Variants in SNRPN observed in about 807,000 individuals in gnomAD.
SNRPN encodes the protein small nuclear ribonucleoprotein polypeptide N.
A neutral mutation model predicts 25.2 loss-of-function variants in SNRPN; 7 were observed. The observed-to-expected ratio is 0.28, with a 90% CI of 0.16 to 0.52. The LOEUF is 0.52. Ranked by LOEUF, SNRPN falls within the 20% of genes least tolerant of loss-of-function variation. The pLI, the probability that SNRPN is intolerant of heterozygous loss-of-function variation, is 0.96. For missense variants in SNRPN, 196 were observed against 322.5 expected (o/e 0.61, Z 3.00); for synonymous variants, 124 against 110.6 (o/e 1.12, Z -0.76).
chr15:24,948,088 G>A (rs962488576), intron 3 of SNRPN, among the ~76,000 whole-genome samples: 2 of 151,048 alleles, frequency 1.3e-5, no homozygotes, highest in Non-Finnish European at 2.9e-5. Flanking sequence ...ACTCAAAATA[G>A]CAATCTTCCT....
At chr15:24,922,437 C>T (rs2060086699) in intron 3 of SNRPN, among the ~76,000 whole-genome samples, 1 of 152,140 alleles carries the variant, frequency 6.6e-6, no homozygotes, top group African/African-American at 2.4e-5. Flanking sequence ...AAATTGCATA[C>T]AATACAGTAC....
At chr15:24,955,178 A>G (rs1399940145) in intron 1 of SNRPN, 116 bp downstream of exon 1, 4 of 1,403,378 alleles carry the variant, frequency 2.9e-6, no homozygotes, top group East Asian at 2.4e-5. Context: ...TTTGGGCCCT[A>G]AAGTCCTTTG....
chr15:24,844,318 C>T (rs1401750700), intron 2 of SNRPN, among the ~76,000 whole-genome samples: 1 of 152,090 alleles, frequency 6.6e-6, no homozygotes, highest in Non-Finnish European at 1.5e-5. Context: ...TCCATATCTA[C>T]TATTTGACTG....
At chr15:24,883,772 G>A (rs754286561) in intron 1 of SNRPN, among the ~76,000 whole-genome samples, 5 of 152,126 alleles carry the variant, frequency 3.3e-5, no homozygotes, top group Non-Finnish European at 7.4e-5. Context: ...AGCATTTTGG[G>A]AGGCTGAAGC....
chr15:24,837,560 G>A (rs980981990), intron 2 of SNRPN, among the ~76,000 whole-genome samples: 24 of 151,600 alleles, frequency 1.6e-4, no homozygotes, highest in East Asian at 1.6e-3. Flanking sequence ...TGGTAGAGAC[G>A]GGGTTTCACC....
intron 2 of SNRPN, chr15:24,908,890 T>C: frequency 1.3e-6 from 1 of 797,680 alleles, no homozygotes; most frequent in Non-Finnish European, 2.1e-6. Context: ...ATAAGTTTAT[T>C]GTCTGTATCT....
upstream of SNRPN, among the ~76,000 whole-genome samples, chr15:24,953,263 C>G (rs1019311931): frequency 6.6e-6 from 1 of 152,184 alleles, no homozygotes; most frequent in African/African-American, 2.4e-5. Flanking sequence ...CATCACTGGA[C>G]TATAATGGTG....
intron 1 of SNRPN, among the ~76,000 whole-genome samples, chr15:24,859,791 G>A (rs2053819739): frequency 6.6e-6 from 1 of 152,180 alleles, no homozygotes; most frequent in Non-Finnish European, 1.5e-5. Flanking sequence ...GCTAAACCAA[G>A]GGTGGATTAT....
At chr15:24,876,460 T>C (rs2055888089) in intron 1 of SNRPN, among the ~76,000 whole-genome samples, 1 of 151,908 alleles carries the variant, frequency 6.6e-6, no homozygotes, top group Non-Finnish European at 1.5e-5. Context: ...CTGCTAAAAA[T>C]ACAAAAATTA....
chr15:24,901,042 G>C (rs370061981), intron 2 of SNRPN, among the ~76,000 whole-genome samples: 1 of 152,152 alleles, frequency 6.6e-6, no homozygotes, highest in Non-Finnish European at 1.5e-5. Context: ...GGTGCAGTGA[G>C]CTGTGATCAT....
At chr15:24,844,327 T>C (rs997095206) in intron 2 of SNRPN, among the ~76,000 whole-genome samples, 1 of 152,196 alleles carries the variant, frequency 6.6e-6, no homozygotes, top group African/African-American at 2.4e-5. Context: ...ACTATTTGAC[T>C]GTCACTCTTC....
chr15:24,914,186 GCTT>G (rs1412750783), intron 2 of SNRPN, among the ~76,000 whole-genome samples: 3 of 152,200 alleles, frequency 2.0e-5, no homozygotes, highest in Non-Finnish European at 4.4e-5. Context: ...CCCTGCATCT[GCTT>G]CTTCTTAATT....
At chr15:24,883,144 T>C (rs2056889051) in intron 1 of SNRPN, among the ~76,000 whole-genome samples, 2 of 152,228 alleles carry the variant, frequency 1.3e-5, no homozygotes, top group South Asian at 4.1e-4. Flanking sequence ...TTGGGGACTA[T>C]CTGTACTGTG....
At chr15:24,826,698 G>A (rs989535557) in intron 1 of SNRPN, among the ~76,000 whole-genome samples, 3 of 152,104 alleles carry the variant, frequency 2.0e-5, no homozygotes, top group African/African-American at 7.3e-5. Flanking sequence ...GTTAGTCTAT[G>A]CATGGGTATA....
At chr15:24,943,614 A>G (rs555793598) in intron 3 of SNRPN, among the ~76,000 whole-genome samples, 6 of 152,220 alleles carry the variant, frequency 3.9e-5, no homozygotes, top group South Asian at 2.1e-4. Flanking sequence ...TTGGTGTCCT[A>G]TGGTTAAGCC....
chr15:24,960,884 T>G (rs1437999017), intron 1 of SNRPN, among the ~76,000 whole-genome samples: 1 of 152,220 alleles, frequency 6.6e-6, no homozygotes, highest in Non-Finnish European at 1.5e-5. Flanking sequence ...GAAATCATTC[T>G]TATCAAAATT....
At chr15:24,961,415 C>G (rs2074785054) in intron 1 of SNRPN, among the ~76,000 whole-genome samples, 1 of 152,114 alleles carries the variant, frequency 6.6e-6, no homozygotes, top group South Asian at 2.1e-4. Flanking sequence ...GCTGACCTTT[C>G]TGATTTATCA....
rs553097224 is a variant in SNRPN, at chr15:24,899,432, A to G, written c.-505+12843A>G. Among the ~76,000 whole-genome samples, 70 of 152,328 alleles carry G rather than the reference A, an allele frequency of 4.6e-4. 1 individual carries two copies. The South Asian group carries it at 0.014, about 30-fold the overall frequency. Reference sequence around the variant, plus strand: ...TGTTGCAATAGTAAGTTTTTTCAGTAATTGAAGGTGGTTGGACATTGTAAA... The same window carrying G: ...TGTTGCAATAGTAAGTTTTTTCAGTGATTGAAGGTGGTTGGACATTGTAAA... On this transcript the variant is annotated intron_variant, in intron 2 of 11. Coordinates refer to the SNRPN transcript ENST00000400097.
At chr15:24,855,687 G>T (rs1397530025), upstream of SNRPN, among the ~76,000 whole-genome samples, 4 of 150,640 alleles carry the variant, frequency 2.7e-5, no homozygotes, top group Non-Finnish European at 5.9e-5. Context: ...AGCTACTCAG[G>T]AAGCTGAGGC....
Sources: gnomAD v4.1 joint callset for allele counts (sites outside exome capture counted in the v4.1 genomes callset) on GRCh38, gnomAD v4.1.1 for gene constraint, MANE v1.5 for transcripts, NCBI Gene and HGNC (gene_info 2026-07-23, HGNC 2026-07-21) for gene names.